The following LRRC4C variants were observed in gnomAD, a reference collection of about 807,000 sequenced individuals.
LRRC4C encodes the protein leucine rich repeat containing 4C, also known as leucine-rich repeat-containing protein 4C.
Under a neutral mutation model 33.6 loss-of-function variants are expected in LRRC4C, and 5 were observed. That is an observed-to-expected ratio of 0.15 (90% CI 0.08 to 0.31). LRRC4C has a LOEUF of 0.31. Ranked by LOEUF, LRRC4C falls within the 10% of genes least tolerant of loss-of-function variation. The pLI is 1.00. For synonymous variants in LRRC4C, 329 were observed against 302.0 expected (o/e 1.09, Z -0.93); for missense variants, 560 against 796.7 (o/e 0.70, Z 3.58).
At chr11:40,807,545 C>T (rs1226483009) in intron 2 of LRRC4C, among the ~76,000 whole-genome samples, 1 of 152,214 alleles carries the variant, frequency 6.6e-6, no homozygotes, top group African/African-American at 2.4e-5. Context: ...TCTGACAGAA[C>T]AGAAGCCTTG....
chr11:40,988,713 C>CCTTTTTTTTTTTTTT (rs1203305681), intron 1 of LRRC4C, among the ~76,000 whole-genome samples: 6 of 57,744 alleles, frequency 1.0e-4, no homozygotes, highest in Non-Finnish European at 1.7e-4. Flanking sequence ...CTTTTCTTTT[C>CCTTTTTTTTTTTTTT]TTTTTTTTTT....
chr11:40,304,585 CCCTTT>C (rs1434506677), intron 4 of LRRC4C, among the ~76,000 whole-genome samples: 1 of 152,094 alleles, frequency 6.6e-6, no homozygotes, highest in Non-Finnish European at 1.5e-5. Flanking sequence ...TCAGAAGCTA[CCCTTT>C]TAGACAAGAA....
intron 1 of LRRC4C, among the ~76,000 whole-genome samples, chr11:41,121,453 T>A (rs1016232948): frequency 3.9e-5 from 6 of 152,208 alleles, no homozygotes; most frequent in African/African-American, 1.2e-4. Flanking sequence ...TTGTGTACTT[T>A]TCCCTCGTAA....
chr11:40,138,361 G>A (rs1215322064), intron 6 of LRRC4C, among the ~76,000 whole-genome samples: 1 of 152,002 alleles, frequency 6.6e-6, no homozygotes, highest in African/African-American at 2.4e-5. Context: ...TATAGAGATG[G>A]GGTCTTGCTA....
intron 1 of LRRC4C, among the ~76,000 whole-genome samples, chr11:41,115,251 C>A (rs1242146693): frequency 6.6e-6 from 1 of 152,002 alleles, no homozygotes; most frequent in Admixed American, 6.6e-5. Context: ...TTAACAAATT[C>A]TTGAGGTTTA....
At chr11:40,810,970 C>T (rs1476299427) in intron 2 of LRRC4C, among the ~76,000 whole-genome samples, 1 of 152,122 alleles carries the variant, frequency 6.6e-6, no homozygotes, top group African/African-American at 2.4e-5. Context: ...AAAATTCAAA[C>T]TCTTCCCATG....
chr11:40,480,382 TAAAAC>T (rs1340744222), intron 3 of LRRC4C, among the ~76,000 whole-genome samples: 11 of 151,488 alleles, frequency 7.3e-5, no homozygotes, highest in East Asian at 1.9e-4. Flanking sequence ...AATAAATAAA[TAAAAC>T]AAAATACCAC....
At position 40,148,519 on chromosome 11, in the gene LRRC4C, A is replaced by C. The variant is rs59572043; in HGVS notation, c.-95-7666T>G. Among the ~76,000 whole-genome samples, 530 of 152,036 alleles carry C rather than the reference A, an allele frequency of 3.5e-3. 5 individuals are homozygous for C. Among genetic ancestry groups the C allele is most frequent in the African/African-American group, 0.012 (505 of 41,494 alleles). On this transcript the variant is annotated intron_variant, in intron 5 of 6. Coordinates refer to ENST00000528697, the MANE Select transcript of LRRC4C (RefSeq NM_001258419.2). ...CTGTTCATGTCCTTTGCCCTCTTTT[A>C]ACGGAGTTATTTGTTATTTTCTTGT... is the stretch of plus-strand genomic sequence containing the variant.
intron 2 of LRRC4C, among the ~76,000 whole-genome samples, chr11:40,821,684 A>G (rs1479364453): frequency 2.0e-5 from 3 of 151,600 alleles, no homozygotes; most frequent in South Asian, 4.1e-4. Context: ...AAACACCAGC[A>G]TTTTCAAACA....
chr11:41,111,763 C>A (rs1248254952), intron 1 of LRRC4C, among the ~76,000 whole-genome samples: 2 of 151,942 alleles, frequency 1.3e-5, no homozygotes, highest in Non-Finnish European at 2.9e-5. Context: ...TAAAAGTAAC[C>A]TTTCCCTGTC....
chr11:41,245,022 T>G (rs2136585666), intron 1 of LRRC4C, among the ~76,000 whole-genome samples: 1 of 152,342 alleles, frequency 6.6e-6, no homozygotes, highest in South Asian at 2.1e-4. Flanking sequence ...TCACCCTTCC[T>G]AGTTTAAAAC....
intron 1 of LRRC4C, among the ~76,000 whole-genome samples, chr11:41,015,151 G>A (rs913100619): frequency 6.6e-6 from 1 of 151,930 alleles, no homozygotes; most frequent in Non-Finnish European, 1.5e-5. Flanking sequence ...TTTTCTAATG[G>A]CTAATGTAGA....
At chr11:41,113,254 A>G (rs552407498) in intron 1 of LRRC4C, among the ~76,000 whole-genome samples, 22 of 152,146 alleles carry the variant, frequency 1.4e-4, no homozygotes, top group Admixed American at 1.3e-3. Flanking sequence ...AAAAATGTCA[A>G]TTGCATGAGG....
At chr11:41,184,884 G>A (rs1945621383) in intron 1 of LRRC4C, among the ~76,000 whole-genome samples, 1 of 151,972 alleles carries the variant, frequency 6.6e-6, no homozygotes, top group Non-Finnish European at 1.5e-5. Flanking sequence ...CACAATCATG[G>A]TGGAAGGCAA....
rs182323810 is a variant in LRRC4C at position 40,234,186 on chromosome 11, T to C, written c.-96+7333A>G. 1.5e-3 allele frequency among the ~76,000 whole-genome samples: 228 copies of C among 152,344 alleles called. 2 individuals carry two copies. The highest frequency in any genetic ancestry group is 1.2e-3 in the Non-Finnish European group (80 of 68,030). On this transcript the variant is annotated intron_variant, in intron 5 of 6. Transcript: ENST00000528697. ...AACATACTTTGTTTAACCAAAGTTT[T>C]TTTTGTCAGCTAGAATTAAAGTTCA... is the stretch of plus-strand genomic sequence containing the variant.
In LRRC4C at chr11:41,049,707, T is replaced by C. The variant is rs1171889537; in HGVS notation, c.-495-115984A>G. 2.0e-5 allele frequency among the ~76,000 whole-genome samples: 3 copies of C among 152,226 alleles called. No individual in the cohort carries two copies. The East Asian group carries it at 5.8e-4, about 29-fold the overall frequency. On this transcript the variant is annotated intron_variant, in intron 1 of 6. Coordinates refer to ENST00000528697, the MANE Select transcript of LRRC4C (RefSeq NM_001258419.2). ...ACAGAACTTCTGTGTTATTTACTAA[T>C]ATAGGGAAATGATTCCATCTGGGCA...
At chr11:41,437,866 C>T (rs1217527596) in intron 1 of LRRC4C, among the ~76,000 whole-genome samples, 5 of 151,826 alleles carry the variant, frequency 3.3e-5, no homozygotes, top group African/African-American at 9.7e-5. Flanking sequence ...GGTGAAACCC[C>T]GTCTCTACTA....
At chr11:41,142,708 C>T (rs1456753721) in intron 1 of LRRC4C, among the ~76,000 whole-genome samples, 2 of 151,974 alleles carry the variant, frequency 1.3e-5, no homozygotes, top group East Asian at 3.9e-4. Flanking sequence ...AAAAAAAAGG[C>T]TCCCAAATAA....
At chr11:41,192,346 G>T (rs1199050869) in intron 1 of LRRC4C, among the ~76,000 whole-genome samples, 2 of 151,288 alleles carry the variant, frequency 1.3e-5, no homozygotes, top group African/African-American at 4.9e-5. Flanking sequence ...GTGTGTGTGT[G>T]TGTGTGTTCA....
Sources: allele counts gnomAD v4.1 joint callset (sites outside exome capture counted in the v4.1 genomes callset), GRCh38; gene constraint gnomAD v4.1.1; transcripts MANE v1.5; gene names NCBI Gene and HGNC (gene_info 2026-07-23, HGNC 2026-07-21).